Variants in SPOCK3 observed in about 807,000 individuals in gnomAD.
The protein encoded by SPOCK3 is testican-3.
In SPOCK3, 30 loss-of-function variants were observed where a neutral mutation model predicts 56.6. The observed-to-expected ratio is 0.53, with a 90% confidence interval of 0.40 to 0.72. The LOEUF is 0.72. SPOCK3 is among the 30% of genes least tolerant of loss of function. The pLI, the probability that SPOCK3 is intolerant of heterozygous loss-of-function variation, is 0.00. For missense variants in SPOCK3, 527 were observed against 530.0 expected, an observed-to-expected ratio of 0.99 and a Z score of 0.06; for synonymous variants, 196 against 183.3, an observed-to-expected ratio of 1.07 and a Z score of -0.56.
chr4:166,840,205 G>A (rs966220533), intron 6 of SPOCK3, among the ~76,000 whole-genome samples: 7 of 151,710 alleles, frequency 4.6e-5, no homozygotes, highest in Non-Finnish European at 1.5e-5. Context: ...AGTGTAGGGA[G>A]ACTCATTTCC....
intron 2 of SPOCK3, among the ~76,000 whole-genome samples, chr4:167,077,242 A>T (rs1757274848): frequency 6.6e-6 from 1 of 151,702 alleles, no homozygotes; most frequent in South Asian, 2.1e-4. Context: ...ATAGAGAGAT[A>T]AGTTTTCAAA....
intron 9 of SPOCK3, 49 bp downstream of exon 9, chr4:166,741,948 G>A (rs764083587): frequency 1.6e-6 from 2 of 1,256,214 alleles, no homozygotes; most frequent in East Asian, 2.3e-5. Context: ...TTTCCCTGGG[G>A]TTATTTATGT....
chr4:166,738,069 T>C (rs1355534037), intron 9 of SPOCK3, among the ~76,000 whole-genome samples: 1 of 152,208 alleles, frequency 6.6e-6, no homozygotes, highest in Non-Finnish European at 1.5e-5. Flanking sequence ...TCAAGCTATG[T>C]GTTTTTCCCA....
chr4:166,989,506 T>C (rs970296414), intron 4 of SPOCK3, among the ~76,000 whole-genome samples: 2 of 152,204 alleles, frequency 1.3e-5, no homozygotes, highest in African/African-American at 4.8e-5. Flanking sequence ...TTGTGTCTTA[T>C]GTGCTACAGC....
chr4:167,219,293 C>T (rs1326291848), intron 2 of SPOCK3, among the ~76,000 whole-genome samples: 2 of 152,066 alleles, frequency 1.3e-5, no homozygotes, highest in Non-Finnish European at 2.9e-5. Flanking sequence ...ATTCTAAAAC[C>T]GATTCTCAGC....
intron 9 of SPOCK3, among the ~76,000 whole-genome samples, chr4:166,740,786 A>G (rs1160537852): frequency 6.6e-6 from 1 of 151,916 alleles, no homozygotes; most frequent in Non-Finnish European, 1.5e-5. Flanking sequence ...TTGGCCTCCT[A>G]AAGTGTTGGG....
intron 2 of SPOCK3, among the ~76,000 whole-genome samples, chr4:167,071,049 T>TC (rs1480171262): frequency 2.0e-5 from 3 of 151,932 alleles, no homozygotes; most frequent in Non-Finnish European, 4.4e-5. Context: ...ATAAATAGTG[T>TC]CAAAAGGACA....
At chr4:166,777,367 T>G (rs1446930406) in intron 7 of SPOCK3, among the ~76,000 whole-genome samples, 2 of 152,206 alleles carry the variant, frequency 1.3e-5, no homozygotes, top group Non-Finnish European at 2.9e-5. Context: ...TGTGCCAGCA[T>G]GTACATGTAT....
intron 2 of SPOCK3, among the ~76,000 whole-genome samples, chr4:167,223,747 C>T (rs1003319595): frequency 6.6e-6 from 1 of 151,996 alleles, no homozygotes; most frequent in Non-Finnish European, 1.5e-5. Flanking sequence ...CCTAGGAGTT[C>T]GAGACCAGCT....
chr4:167,082,901 A>AAGAG (rs201543940), intron 2 of SPOCK3, among the ~76,000 whole-genome samples: 1 of 149,678 alleles, frequency 6.7e-6, no homozygotes, highest in East Asian at 2.0e-4. Context: ...GAGAGAGAGA[A>AAGAG]AGAGAGAGAG....
At chr4:167,183,112 G>C (rs1236036817) in intron 2 of SPOCK3, among the ~76,000 whole-genome samples, 1 of 152,038 alleles carries the variant, frequency 6.6e-6, no homozygotes, top group African/African-American at 2.4e-5. Flanking sequence ...GACAGTTAGA[G>C]AATATGGAAC....
At chr4:166,764,197 CT>C (rs924315787) in intron 7 of SPOCK3, among the ~76,000 whole-genome samples, 1 of 150,760 alleles carries the variant, frequency 6.6e-6, no homozygotes, top group Admixed American at 6.6e-5. Flanking sequence ...AAGATATCCA[CT>C]TTTTTTTTAT....
intron 6 of SPOCK3, among the ~76,000 whole-genome samples, chr4:166,814,055 AG>A (rs1354121934): frequency 6.6e-6 from 1 of 152,118 alleles, no homozygotes; most frequent in Admixed American, 6.6e-5. Context: ...CCTTAAAATC[AG>A]CAACTTACAA....
chr4:167,129,314 C>T (rs1422739338), intron 2 of SPOCK3, among the ~76,000 whole-genome samples: 2 of 152,156 alleles, frequency 1.3e-5, no homozygotes, highest in East Asian at 1.9e-4. Flanking sequence ...GTATCAGATA[C>T]CTGGCTTAAG....
intron 6 of SPOCK3, among the ~76,000 whole-genome samples, chr4:166,842,129 T>C (rs2126835398): frequency 6.6e-6 from 1 of 152,278 alleles, no homozygotes; most frequent in Admixed American, 6.5e-5. Context: ...ACCTTTGCAG[T>C]GAGTGTTATA....
At chr4:166,958,399 C>T (rs960605636) in intron 4 of SPOCK3, among the ~76,000 whole-genome samples, 5 of 152,132 alleles carry the variant, frequency 3.3e-5, no homozygotes, top group African/African-American at 1.2e-4. Context: ...TAAGCAGTCT[C>T]ATGCATTTCT....
At chr4:166,987,021 A>T (rs1747244088) in intron 4 of SPOCK3, among the ~76,000 whole-genome samples, 1 of 152,106 alleles carries the variant, frequency 6.6e-6, no homozygotes, top group Non-Finnish European at 1.5e-5. Flanking sequence ...ACATGCAGTG[A>T]TCCTTTGGAA....
At chr4:167,026,884 C>T (rs1450924462) in intron 3 of SPOCK3, among the ~76,000 whole-genome samples, 1 of 149,714 alleles carries the variant, frequency 6.7e-6, no homozygotes, top group Non-Finnish European at 1.5e-5. Context: ...CTTCCCCTTC[C>T]TAAAACGTGA....
chr4:167,057,275 T>C (rs1188260155), intron 3 of SPOCK3, among the ~76,000 whole-genome samples: 1 of 151,934 alleles, frequency 6.6e-6, no homozygotes, highest in Non-Finnish European at 1.5e-5. Context: ...CTAAAAGAGC[T>C]CCTCAAGGAA....
Sources: allele counts gnomAD v4.1 joint callset (sites outside exome capture counted in the v4.1 genomes callset), GRCh38; gene constraint gnomAD v4.1.1; transcripts MANE v1.5; gene names NCBI Gene and HGNC (gene_info 2026-07-23, HGNC 2026-07-21).